The following ATP6V0A1 variants were observed in gnomAD, a reference collection of about 807,000 sequenced individuals.
ATP6V0A1 encodes V-type proton ATPase 116 kDa subunit a 1.
A neutral mutation model predicts 105.4 loss-of-function variants in ATP6V0A1; 43 were observed. The ratio of observed to expected loss-of-function variants is 0.41; its 90% CI spans 0.32 to 0.53. ATP6V0A1 has a LOEUF of 0.53. Among genes scored for constraint, ATP6V0A1 ranks in the 20% least tolerant of loss-of-function variants. The probability of loss-of-function intolerance (pLI) is 0.30; values close to 1 mark genes in which losing one functional copy is unlikely to be tolerated. For synonymous variants in ATP6V0A1, 362 were observed against 372.8 expected (o/e 0.97, Z 0.33); for missense variants, 676 against 1,051.1 (o/e 0.64, Z 4.93).
chr17:42,504,155 G>C (rs1015208461), intron 17 of ATP6V0A1, among the ~76,000 whole-genome samples: 1 of 152,202 alleles, frequency 6.6e-6, no homozygotes, highest in Non-Finnish European at 1.5e-5. Context: ...GAAGGCATCA[G>C]GATGATCAGT....
intron 5 of ATP6V0A1, among the ~76,000 whole-genome samples, chr17:42,473,218 G>GGT (rs2088234060): frequency 6.6e-6 from 1 of 152,154 alleles, no homozygotes. Context: ...CACGTTAGAG[G>GGT]GTGTGGGACA....
intron 2 of ATP6V0A1, among the ~76,000 whole-genome samples, chr17:42,462,447 G>A (rs1008435482): frequency 1.1e-4 from 16 of 151,932 alleles, no homozygotes; most frequent in Non-Finnish European, 1.8e-4. Context: ...TTGAGACAGA[G>A]TCCACTCTGT....
At chr17:42,494,888 T>C (rs2091013029) in intron 12 of ATP6V0A1, 146 bp from the exon 13 acceptor site, 3 of 760,498 alleles carry the variant, frequency 3.9e-6, no homozygotes, top group African/African-American at 1.7e-5. Context: ...CTCATTAGCA[T>C]TGTATTTTGG....
chr17:42,461,639 C>T (rs912229798), intron 2 of ATP6V0A1, among the ~76,000 whole-genome samples: 10 of 152,042 alleles, frequency 6.6e-5, no homozygotes, highest in Admixed American at 4.6e-4. Flanking sequence ...AGCATGGTGG[C>T]GCAGGCCTGT....
intron 19 of ATP6V0A1, among the ~76,000 whole-genome samples, chr17:42,509,482 C>G (rs187107713): frequency 7.2e-5 from 11 of 152,316 alleles, no homozygotes; most frequent in South Asian, 2.1e-4. Flanking sequence ...AATGGGAAAG[C>G]CTTTGCTGTT....
chr17:42,490,362 C>A, intron 10 of ATP6V0A1, 125 bp from the exon 11 acceptor site: 1 of 831,286 alleles, frequency 1.2e-6, no homozygotes, highest in South Asian at 3.7e-5. Flanking sequence ...ATATAATTTA[C>A]ATGAAAGAAA....
At chr17:42,470,780 T>G (rs911231218) in intron 5 of ATP6V0A1, 10 of 154,684 alleles carry the variant, frequency 6.5e-5, no homozygotes, top group African/African-American at 1.9e-4. Flanking sequence ...CACATAAACT[T>G]AGACGCATTA....
chr17:42,483,505 G>A (rs1315270971), intron 9 of ATP6V0A1, among the ~76,000 whole-genome samples: 1 of 151,818 alleles, frequency 6.6e-6, no homozygotes, highest in African/African-American at 2.4e-5. Context: ...CCTCCTAGGC[G>A]CAAGTGATGC....
chr17:42,507,735 AATT>A, intron 18 of ATP6V0A1, 108 bp downstream of exon 18: 1 of 958,242 alleles, frequency 1.0e-6, no homozygotes, highest in South Asian at 1.3e-5. Context: ...TAAAAATACT[AATT>A]AATATTCAGC....
At chr17:42,500,209 A>G (rs183248296) in intron 15 of ATP6V0A1, among the ~76,000 whole-genome samples, 74 of 151,860 alleles carry the variant, frequency 4.9e-4, no homozygotes, top group African/African-American at 1.5e-3. Flanking sequence ...GCCTGGCACA[A>G]TGGCTCACAT....
chr17:42,487,385 A>T lies in ATP6V0A1; in HGVS notation c.1023+18A>T, dbSNP rs1205115330. On this transcript the variant is annotated intron_variant, in intron 10 of 21. Coordinates refer to ENST00000343619, the MANE Select transcript of ATP6V0A1 (RefSeq NM_001130021.3). The stretch of plus-strand genomic sequence containing the variant: ...GGGGCACGGTGAGTCCCCAAAGCTA[A>T]CAATGCAGCTCGTGGCCCGGAAGAG... 1 of 1,610,970 alleles carries T rather than the reference A, an allele frequency of 6.2e-7. No individual in the cohort carries two copies. The highest frequency in any genetic ancestry group is 1.1e-5 in the South Asian group (1 of 90,946).
intron 2 of ATP6V0A1, among the ~76,000 whole-genome samples, chr17:42,461,426 A>G (rs773371597): frequency 6.6e-6 from 1 of 152,248 alleles, no homozygotes; most frequent in Non-Finnish European, 1.5e-5. Context: ...CATATACTGA[A>G]TATTCATTAT....
At chr17:42,511,395 G>A (rs962851528) in intron 19 of ATP6V0A1, 2 of 152,182 alleles carry the variant, frequency 1.3e-5, no homozygotes, top group Middle Eastern at 3.4e-3. Context: ...TTAGCTGGGC[G>A]GTAGTGGCAT....
At chr17:42,468,684 C>G (rs1366508674) in intron 4 of ATP6V0A1, among the ~76,000 whole-genome samples, 1 of 152,128 alleles carries the variant, frequency 6.6e-6, no homozygotes, top group East Asian at 1.9e-4. Context: ...ACCTCCAGTT[C>G]TATCCATGTT....
intron 2 of ATP6V0A1, among the ~76,000 whole-genome samples, chr17:42,464,463 C>T (rs2086797665): frequency 6.6e-6 from 1 of 151,596 alleles, no homozygotes; most frequent in African/African-American, 2.4e-5. Flanking sequence ...AGTGCAGTGG[C>T]ACGATCTCGG....
At chr17:42,472,023 C>T (rs1308601832) in intron 5 of ATP6V0A1, among the ~76,000 whole-genome samples, 1 of 149,252 alleles carries the variant, frequency 6.7e-6, no homozygotes, top group Non-Finnish European at 1.5e-5. Context: ...AACAAGAAAA[C>T]TTGGCAAAGC....
intron 11 of ATP6V0A1, among the ~76,000 whole-genome samples, chr17:42,493,083 T>G (rs531687667): frequency 1.8e-4 from 28 of 152,340 alleles, no homozygotes; most frequent in African/African-American, 6.5e-4. Flanking sequence ...CCTGGACTTC[T>G]CTAGCAAATC....
chr17:42,497,411 A>G (rs897183650), intron 14 of ATP6V0A1, among the ~76,000 whole-genome samples: 2 of 147,600 alleles, frequency 1.4e-5, no homozygotes, highest in East Asian at 4.1e-4. Flanking sequence ...GGTGGCTCAC[A>G]CCTGTAATCC....
chr17:42,507,951 C>T (rs1176900921), intron 18 of ATP6V0A1, among the ~76,000 whole-genome samples: 1 of 152,184 alleles, frequency 6.6e-6, no homozygotes, highest in Non-Finnish European at 1.5e-5. Context: ...GCTCTTATGA[C>T]CTGAAACACA....
Sources: gnomAD v4.1 joint callset for allele counts (sites outside exome capture counted in the v4.1 genomes callset) on GRCh38, gnomAD v4.1.1 for gene constraint, MANE v1.5 for transcripts, NCBI Gene and HGNC (gene_info 2026-07-23, HGNC 2026-07-21) for gene names.